MAF: variants seen among roughly 807,000 people sequenced by gnomAD.
MAF encodes MAF bZIP transcription factor, also known as transcription factor Maf.
In MAF, 10 loss-of-function variants were observed where a neutral mutation model predicts 22.0. The observed-to-expected ratio is 0.45, with a 90% CI of 0.28 to 0.77. The LOEUF (loss-of-function observed/expected upper bound fraction) is 0.77. MAF is among the 30% of genes least tolerant of loss of function. The probability of loss-of-function intolerance (pLI) is 0.12; values close to 1 mark genes in which losing one functional copy is unlikely to be tolerated. For missense variants in MAF, 544 were observed against 548.4 expected, an observed-to-expected ratio of 0.99 and a Z score of 0.08; for synonymous variants, 337 against 255.8, an observed-to-expected ratio of 1.32 and a Z score of -3.03.
chr16:79,273,599 C>T, the MAF span, among the ~76,000 whole-genome samples: 1 of 152,184 alleles, frequency 6.6e-6, no homozygotes, highest in Non-Finnish European at 1.5e-5. Flanking sequence ...GAGGCTGCAA[C>T]ATTCCTTGGC....
the MAF span, among the ~76,000 whole-genome samples, chr16:79,577,386 C>T: frequency 6.6e-6 from 1 of 152,300 alleles, no homozygotes; most frequent in African/African-American, 2.4e-5. Context: ...GAAATATCTG[C>T]ATGACTGTGG....
chr16:79,512,341 A>T, the MAF span, among the ~76,000 whole-genome samples: 1 of 152,184 alleles, frequency 6.6e-6, no homozygotes, highest in Admixed American at 6.5e-5. Flanking sequence ...AGCTCAGGGT[A>T]CTGGTCTCTG....
the MAF span, among the ~76,000 whole-genome samples, chr16:79,438,682 G>C: frequency 6.6e-6 from 1 of 152,192 alleles, no homozygotes; most frequent in Admixed American, 6.5e-5. Context: ...AGGTCGTGCA[G>C]AGTCTGCCTT....
At chr16:79,531,446 TTTA>T in the MAF span, among the ~76,000 whole-genome samples, 13 of 152,000 alleles carry the variant, frequency 8.6e-5, no homozygotes, top group African/African-American at 2.7e-4. Context: ...TATTGTGCAT[TTTA>T]TTATTATTAA....
chr16:79,513,830 G>A, the MAF span, among the ~76,000 whole-genome samples: 25 of 152,286 alleles, frequency 1.6e-4, no homozygotes, highest in African/African-American at 5.3e-4. Flanking sequence ...AGTGAAGGCT[G>A]TCTTTTCCAC....
chr16:79,418,576 T>C, the MAF span, among the ~76,000 whole-genome samples: 1 of 152,064 alleles, frequency 6.6e-6, no homozygotes, highest in Non-Finnish European at 1.5e-5. Context: ...ACAGGATAGA[T>C]GGGGAAGGGC....
the MAF span, among the ~76,000 whole-genome samples, chr16:79,228,613 C>A: frequency 6.6e-6 from 1 of 152,036 alleles, no homozygotes; most frequent in Non-Finnish European, 1.5e-5. Context: ...CAATGGTTGG[C>A]ACCTTTGATC....
chr16:79,465,672 A>G, the MAF span, among the ~76,000 whole-genome samples: 9 of 152,174 alleles, frequency 5.9e-5, no homozygotes, highest in African/African-American at 2.2e-4. Flanking sequence ...TTTTTAAATC[A>G]GACTGATCTG....
chr16:79,244,939 C>A, the MAF span, among the ~76,000 whole-genome samples: 1 of 152,020 alleles, frequency 6.6e-6, no homozygotes, highest in Non-Finnish European at 1.5e-5. Flanking sequence ...TGATCTTTTA[C>A]AAACCTGGCA....
chr16:79,469,265 T>C, the MAF span, among the ~76,000 whole-genome samples: 1 of 152,232 alleles, frequency 6.6e-6, no homozygotes, highest in East Asian at 1.9e-4. Context: ...CAACAGACAG[T>C]CTGGACCACA....
chr16:79,420,114 T>C, the MAF span, among the ~76,000 whole-genome samples: 3 of 151,982 alleles, frequency 2.0e-5, no homozygotes, highest in Admixed American at 1.3e-4. Flanking sequence ...AGGAATCCAA[T>C]AACACGCCTG....
chr16:79,323,928 ATATT>A, the MAF span, among the ~76,000 whole-genome samples: 5 of 152,144 alleles, frequency 3.3e-5, no homozygotes, highest in African/African-American at 4.8e-5. Context: ...AGGTGGGTAG[ATATT>A]TATTGAGTAC....
chr16:79,246,547 GGT>G, the MAF span, among the ~76,000 whole-genome samples: 17 of 132,380 alleles, frequency 1.3e-4, no homozygotes, highest in East Asian at 4.3e-4. Flanking sequence ...TTTTGGGGGG[GGT>G]GTGGGGGTGT....
chr16:79,274,742 G>T, the MAF span, among the ~76,000 whole-genome samples: 2 of 152,138 alleles, frequency 1.3e-5, no homozygotes, highest in African/African-American at 4.8e-5. Flanking sequence ...GGGCAGTCAG[G>T]AGGACTATCC....
the MAF span, among the ~76,000 whole-genome samples, chr16:79,331,801 C>G: frequency 1.3e-5 from 2 of 152,184 alleles, no homozygotes; most frequent in African/African-American, 4.8e-5. Context: ...TCAGAACCCA[C>G]ACTCCTATCC....
At chr16:79,388,181 T>C in the MAF span, among the ~76,000 whole-genome samples, 2,200 of 151,150 alleles carry the variant, frequency 0.015, 53 homozygotes, top group African/African-American at 0.05. Flanking sequence ...TGCACAGTTA[T>C]GTTTATTTAT....
chr16:79,340,453 G>A, the MAF span, among the ~76,000 whole-genome samples: 6 of 150,890 alleles, frequency 4.0e-5, no homozygotes, highest in East Asian at 6.2e-4. Context: ...CTGGCACTGG[G>A]AATATAGCAG....
the MAF span, among the ~76,000 whole-genome samples, chr16:79,276,937 C>A: frequency 6.6e-6 from 1 of 152,128 alleles, no homozygotes; most frequent in Non-Finnish European, 1.5e-5. Context: ...CAATCCTTGA[C>A]GTACTCTGGC....
chr16:79,574,971 G>A, the MAF span, among the ~76,000 whole-genome samples: 1 of 151,608 alleles, frequency 6.6e-6, no homozygotes, highest in Non-Finnish European at 1.5e-5. Flanking sequence ...TGTCCCTGGG[G>A]TTCTTCTACT....
Sources: gnomAD v4.1 joint callset for allele counts (sites outside exome capture counted in the v4.1 genomes callset) on GRCh38, gnomAD v4.1.1 for gene constraint, MANE v1.5 for transcripts, NCBI Gene and HGNC (gene_info 2026-07-23, HGNC 2026-07-21) for gene names.